The following GOT2 variants were observed in gnomAD, a reference collection of about 807,000 sequenced individuals.
The protein encoded by GOT2 is glutamic-oxaloacetic transaminase 2.
A neutral mutation model predicts 50.0 loss-of-function variants in GOT2; 17 were observed. The observed-to-expected ratio is 0.34, with a 90% CI of 0.23 to 0.51. GOT2 has a LOEUF of 0.51. Ranked by LOEUF, GOT2 falls within the 20% of genes least tolerant of loss-of-function variation. The probability of loss-of-function intolerance (pLI) is 0.97; values close to 1 mark genes in which losing one functional copy is unlikely to be tolerated. For synonymous variants in GOT2, 172 were observed against 204.9 expected (o/e 0.84, Z 1.37); for missense variants, 430 against 559.6 (o/e 0.77, Z 2.34).
At chr16:58,715,740 C>T (rs770024692) in intron 8 of GOT2, among the ~76,000 whole-genome samples, 20 of 152,134 alleles carry the variant, frequency 1.3e-4, no homozygotes, top group Non-Finnish European at 2.8e-4. Context: ...TCAGTAGAGA[C>T]GGGGTTTCTC....
chr16:58,721,488 G>C (rs1002681395), intron 3 of GOT2, among the ~76,000 whole-genome samples: 1 of 151,956 alleles, frequency 6.6e-6, no homozygotes, highest in African/African-American at 2.4e-5. Context: ...AGGACATGAG[G>C]GTGTGGGCTA....
At chr16:58,711,048 CAAA>C (rs112837015) in intron 8 of GOT2, among the ~76,000 whole-genome samples, 6 of 125,218 alleles carry the variant, frequency 4.8e-5, no homozygotes, top group East Asian at 4.5e-4. Context: ...GTGGGTTAAA[CAAA>C]AAAAAAAAAT....
intron 3 of GOT2, 83 bp downstream of exon 3, chr16:58,722,067 A>C (rs2044745348): frequency 6.7e-7 from 1 of 1,489,198 alleles, no homozygotes; most frequent in South Asian, 1.2e-5. Context: ...GGCGTGAGCC[A>C]TCGCGCCTGG....
intron 3 of GOT2, among the ~76,000 whole-genome samples, chr16:58,720,882 G>A (rs539582505): frequency 3.8e-4 from 58 of 152,222 alleles, no homozygotes; most frequent in African/African-American, 1.3e-3. Flanking sequence ...CACTGCGCCC[G>A]GCTGAGGCAC....
At chr16:58,708,396 T>A in intron 9 of GOT2, 103 bp from the exon 10 acceptor site, 2 of 1,121,886 alleles carry the variant, frequency 1.8e-6, no homozygotes, top group Non-Finnish European at 2.5e-6. Context: ...TTTCCTCGCT[T>A]AAAACCTGTT....
At chr16:58,729,013 A>C (rs991724159) in intron 1 of GOT2, among the ~76,000 whole-genome samples, 4 of 151,914 alleles carry the variant, frequency 2.6e-5, no homozygotes, top group Non-Finnish European at 5.9e-5. Flanking sequence ...TTACTACTGC[A>C]TAGTTTTTTC....
chr16:58,712,130 C>T (rs535155705), intron 8 of GOT2, among the ~76,000 whole-genome samples: 189 of 152,168 alleles, frequency 1.2e-3, no homozygotes, highest in African/African-American at 4.4e-3. Context: ...GCTCACATGC[C>T]GCAGTCCTCA....
chr16:58,709,374 G>C lies in GOT2; in HGVS notation c.1170+43C>G, dbSNP rs761839827. ...AAAAGTAATCCTTCGGGTTTGCAAA[G>C]ACTGATCAGCTGGTCTGCTGCAGAG... On this transcript the variant is annotated intron_variant, in intron 9 of 9. Coordinates refer to ENST00000245206, the MANE Select transcript of GOT2 (RefSeq NM_002080.4). 10 of 1,508,814 alleles carry C rather than the reference G, an allele frequency of 6.6e-6. No individual in the cohort carries two copies. The East Asian group carries it at 1.4e-4, about 21-fold the overall frequency. The allele number at this position is 1,508,814 out of a possible 1,614,324, so 93.5% of individuals were successfully genotyped here. A position where few individuals can be genotyped will look rare whatever the true frequency, so the allele number is the denominator to read the frequency against.
intron 1 of GOT2, among the ~76,000 whole-genome samples, chr16:58,726,211 GTCTTGT>G (rs2044782081): frequency 6.6e-6 from 1 of 152,164 alleles, no homozygotes; most frequent in Admixed American, 6.5e-5. Context: ...TTGAGACGGA[GTCTTGT>G]TCTTGTCGCC....
chr16:58,730,553 T>C (rs980844486), intron 1 of GOT2, among the ~76,000 whole-genome samples: 2 of 152,014 alleles, frequency 1.3e-5, no homozygotes, highest in Non-Finnish European at 2.9e-5. Flanking sequence ...TTTGTAGAGA[T>C]GGGGTTGTGC....
chr16:58,718,174 CCAGT>C lies in GOT2; in HGVS notation c.702+18_702+21del. On this transcript the variant is annotated intron_variant, in intron 6 of 9. Coordinates refer to ENST00000245206, the MANE Select transcript of GOT2 (RefSeq NM_002080.4). Reference sequence around the variant, plus strand: ...CTGGTTACTAAACACAGAACTGTCGCCAGTGAGTTCATCGTCCTCACCTTCACCA... The same window carrying C: ...CTGGTTACTAAACACAGAACTGTCGCGAGTTCATCGTCCTCACCTTCACCA... 1 of 1,512,534 alleles carries C rather than the reference CCAGT, an allele frequency of 6.6e-7. No homozygotes were observed. The highest frequency in any genetic ancestry group is 9.2e-7 in the Non-Finnish European group (1 of 1,087,366). The allele number at this position is 1,512,534 out of a possible 1,614,324, so 93.7% of individuals were successfully genotyped here.
chr16:58,709,308 CAAAAA>C, intron 9 of GOT2, 104 bp downstream of exon 9: 1 of 790,264 alleles, frequency 1.3e-6, no homozygotes, highest in Non-Finnish European at 1.8e-6. Context: ...CAAAACAAAA[CAAAAA>C]ACCCGAAAAC....
intron 8 of GOT2, among the ~76,000 whole-genome samples, chr16:58,710,967 C>CAAAAA (rs35679170): frequency 1.4e-3 from 105 of 72,794 alleles, no homozygotes; most frequent in East Asian, 2.4e-3. Flanking sequence ...GACTCTGTCT[C>CAAAAA]AAAAAAAAAA....
intron 6 of GOT2, among the ~76,000 whole-genome samples, chr16:58,717,558 G>A (rs2152094995): frequency 6.6e-6 from 1 of 152,324 alleles, no homozygotes; most frequent in Non-Finnish European, 1.5e-5. Context: ...GAGAGGACAT[G>A]AAAAAGTGTT....
At chr16:58,724,154 T>C (rs2044763696) in intron 1 of GOT2, among the ~76,000 whole-genome samples, 1 of 152,144 alleles carries the variant, frequency 6.6e-6, no homozygotes, top group Admixed American at 6.5e-5. Flanking sequence ...GGTTTCACCA[T>C]GTTGGCCAGG....
At chr16:58,733,774 A>C in intron 1 of GOT2, 1 of 193,080 alleles carries the variant, frequency 5.2e-6, no homozygotes. Context: ...AGGGCACCCT[A>C]TCAAGGGCAC....
rs377228567 is a variant in GOT2, at chr16:58,719,284, T to C, written c.376-29A>G. On this transcript the variant is annotated intron_variant, in intron 3 of 9. Transcript: ENST00000245206. The stretch of plus-strand genomic sequence containing the variant: ...AAGGAGAGATACCCACGGTCAGTGA[T>C]GTGCAACACTCTCTATACAGGCCCA... 2.1e-5 allele frequency: 33 copies of C among 1,537,102 alleles called. No homozygotes were observed. The African/African-American group carries it at 2.5e-4, about 11-fold the overall frequency.
intron 1 of GOT2, among the ~76,000 whole-genome samples, chr16:58,732,974 A>G (rs2044847720): frequency 6.6e-6 from 1 of 152,232 alleles, no homozygotes; most frequent in African/African-American, 2.4e-5. Flanking sequence ...AGCCTGGGCA[A>G]AACTGTACTG....
intron 3 of GOT2, chr16:58,721,934 C>A (rs886579424): frequency 7.2e-5 from 29 of 400,754 alleles, no homozygotes; most frequent in Admixed American, 3.8e-4. Context: ...GCATGTGTCA[C>A]CATGCCCGGC....
Sources: allele counts gnomAD v4.1 joint callset (sites outside exome capture counted in the v4.1 genomes callset), GRCh38; gene constraint gnomAD v4.1.1; transcripts MANE v1.5; gene names NCBI Gene and HGNC (gene_info 2026-07-23, HGNC 2026-07-21).